The following MEMO1 variants were observed in gnomAD, a reference collection of about 807,000 sequenced individuals.
MEMO1 encodes protein MEMO1.
A neutral mutation model predicts 45.2 loss-of-function variants in MEMO1; 6 were observed. The ratio of observed to expected loss-of-function variants is 0.13; its 90% CI spans 0.07 to 0.26. The LOEUF (loss-of-function observed/expected upper bound fraction) is 0.26, where lower values mean the gene tolerates loss of function less well. Ranked by LOEUF, MEMO1 falls within the 10% of genes least tolerant of loss-of-function variation. The pLI is 1.00. For missense variants in MEMO1, 184 were observed against 370.5 expected (o/e 0.50, Z 4.13); for synonymous variants, 78 against 124.3 (o/e 0.63, Z 2.48).
intron 3 of MEMO1, among the ~76,000 whole-genome samples, chr2:31,937,424 C>A (rs1665045035): frequency 6.6e-6 from 1 of 152,010 alleles, no homozygotes; most frequent in Non-Finnish European, 1.5e-5. Context: ...TGGCTTAGTA[C>A]AAACAATAAT....
chr2:32,000,862 A>C (rs948872752), intron 2 of MEMO1, among the ~76,000 whole-genome samples: 1 of 150,934 alleles, frequency 6.6e-6, no homozygotes, highest in African/African-American at 2.4e-5. Flanking sequence ...TACTTTATCC[A>C]TCATCTGTCC....
chr2:31,975,550 T>A (rs1669912672), intron 2 of MEMO1, among the ~76,000 whole-genome samples: 1 of 152,096 alleles, frequency 6.6e-6, no homozygotes, highest in Non-Finnish European at 1.5e-5. Context: ...CATTAGTGTG[T>A]ACCTAGAAAA....
At chr2:31,886,465 T>C (rs2147960674) in intron 7 of MEMO1, among the ~76,000 whole-genome samples, 2 of 152,224 alleles carry the variant, frequency 1.3e-5, no homozygotes, top group South Asian at 4.1e-4. Context: ...AGAAACTGAG[T>C]TTAAAATACC....
At chr2:31,977,091 C>T (rs1670089959) in intron 2 of MEMO1, among the ~76,000 whole-genome samples, 1 of 151,948 alleles carries the variant, frequency 6.6e-6, no homozygotes, top group East Asian at 1.9e-4. Flanking sequence ...AAGGGATAAA[C>T]TAGAAAGCAG....
intron 2 of MEMO1, among the ~76,000 whole-genome samples, chr2:31,971,806 C>G (rs1669441901): frequency 6.6e-6 from 1 of 152,080 alleles, no homozygotes; most frequent in South Asian, 2.1e-4. Flanking sequence ...TCCATCTCTA[C>G]TAAAAATATA....
chr2:31,942,040 C>T (rs976667310), intron 3 of MEMO1, among the ~76,000 whole-genome samples: 9 of 152,110 alleles, frequency 5.9e-5, no homozygotes, highest in South Asian at 2.1e-4. Context: ...CAGAGTAAAC[C>T]TTCACTCTTC....
chr2:32,010,738 G>C, intron 1 of MEMO1, among the ~76,000 whole-genome samples: 1 of 131,332 alleles, frequency 7.6e-6, no homozygotes, highest in East Asian at 2.7e-4. Flanking sequence ...CCTCCAGCCC[G>C]GCCGCCCGCC....
chr2:31,893,462 A>C, intron 6 of MEMO1: 1 of 698,310 alleles, frequency 1.4e-6, no homozygotes, highest in Non-Finnish European at 1.8e-6. Context: ...CAATTGAAAG[A>C]AAAGAATTAA....
chr2:32,010,079 C>T (rs1674662121), intron 2 of MEMO1, 108 bp downstream of exon 2: 4 of 451,594 alleles, frequency 8.9e-6, no homozygotes, highest in Non-Finnish European at 8.7e-6. Context: ...CCGTCCGCGC[C>T]CTCTTCCCCG....
chr2:31,883,527 G>T (rs1572561575), intron 7 of MEMO1, 65 bp from the exon 8 acceptor site: 2 of 1,179,924 alleles, frequency 1.7e-6, no homozygotes, highest in East Asian at 2.6e-5. Context: ...GAAAGCAAGC[G>T]CTTACCAAAT....
chr2:31,937,373 T>G (rs2148288530), intron 3 of MEMO1, among the ~76,000 whole-genome samples: 1 of 152,336 alleles, frequency 6.6e-6, no homozygotes, highest in East Asian at 1.9e-4. Flanking sequence ...ATATTTTTTG[T>G]ACTGTCATAT....
At chr2:31,905,773 C>T (rs1017878500) in intron 6 of MEMO1, among the ~76,000 whole-genome samples, 1 of 152,192 alleles carries the variant, frequency 6.6e-6, no homozygotes, top group African/African-American at 2.4e-5. Context: ...TTTCTATCTG[C>T]ATAGAATTCT....
chr2:31,922,848 C>T (rs926766840), intron 4 of MEMO1, among the ~76,000 whole-genome samples: 12 of 151,812 alleles, frequency 7.9e-5, no homozygotes, highest in Non-Finnish European at 1.2e-4. Context: ...TATATATGTA[C>T]CACATTTTCT....
intron 5 of MEMO1, among the ~76,000 whole-genome samples, chr2:31,920,177 G>GA (rs1682091188): frequency 1.3e-5 from 2 of 150,918 alleles, no homozygotes; most frequent in African/African-American, 2.4e-5. Flanking sequence ...CCCCCCAAAA[G>GA]AAAAAATACC....
At chr2:31,871,313 T>G (rs1243139737) in intron 8 of MEMO1, among the ~76,000 whole-genome samples, 1 of 152,202 alleles carries the variant, frequency 6.6e-6, no homozygotes, top group African/African-American at 2.4e-5. Flanking sequence ...ACAAAACAGG[T>G]ATAGTGTAAA....
intron 2 of MEMO1, among the ~76,000 whole-genome samples, chr2:32,000,943 C>T (rs750400321): frequency 2.0e-5 from 3 of 152,006 alleles, no homozygotes; most frequent in Non-Finnish European, 4.4e-5. Flanking sequence ...GTCCCATCAG[C>T]AGTGCCTTTC....
At chr2:31,997,394 C>A (rs1672739186) in intron 2 of MEMO1, among the ~76,000 whole-genome samples, 1 of 152,020 alleles carries the variant, frequency 6.6e-6, no homozygotes, top group South Asian at 2.1e-4. Flanking sequence ...ACCACCACAC[C>A]CAGCTAATTT....
chr2:31,918,871 T>A (rs1020026416), intron 5 of MEMO1, among the ~76,000 whole-genome samples: 2 of 152,056 alleles, frequency 1.3e-5, no homozygotes, highest in African/African-American at 4.8e-5. Flanking sequence ...CTTGAAAAAA[T>A]TCTCTATTTC....
chr2:31,999,831 T>C (rs923821656), intron 2 of MEMO1, among the ~76,000 whole-genome samples: 19 of 151,940 alleles, frequency 1.3e-4, no homozygotes, highest in African/African-American at 4.1e-4. Flanking sequence ...TAAAATCATC[T>C]ATCCCCAGAT....
Sources: allele counts gnomAD v4.1 joint callset (sites outside exome capture counted in the v4.1 genomes callset), GRCh38; gene constraint gnomAD v4.1.1; transcripts MANE v1.5; gene names NCBI Gene and HGNC (gene_info 2026-07-23, HGNC 2026-07-21).